CSMD1: variants seen among roughly 807,000 people sequenced by gnomAD.
CSMD1 encodes CUB and Sushi multiple domains 1, also known as CUB and sushi domain-containing protein 1.
A neutral mutation model predicts 417.5 loss-of-function variants in CSMD1; 213 were observed. The observed-to-expected ratio is 0.51, with a 90% CI of 0.46 to 0.57. The LOEUF is 0.57. CSMD1 is among the 20% of genes least tolerant of loss of function. The probability of loss-of-function intolerance (pLI) is 0.00; values close to 1 mark genes in which losing one functional copy is unlikely to be tolerated. For synonymous variants in CSMD1, 2,862 were observed against 1,736.8 expected, an observed-to-expected ratio of 1.65 and a Z score of -16.11; for missense variants, 6,923 against 4,529.7, an observed-to-expected ratio of 1.53 and a Z score of -15.17.
At chr8:3,175,538 TCCCTCCCTCCCTCTCTCCCTCCC>T (rs1820881038) in intron 37 of CSMD1, among the ~76,000 whole-genome samples, 1 of 142,934 alleles carries the variant, frequency 7.0e-6, no homozygotes, top group Non-Finnish European at 1.5e-5. Flanking sequence ...CCTTCCTTCT[TCCCTCCCTCCCTCTCTCCCTCCC>T]TGCCTTCCTT....
chr8:3,121,078 A>G (rs1472019645), intron 41 of CSMD1, among the ~76,000 whole-genome samples: 1 of 142,556 alleles, frequency 7.0e-6, no homozygotes, highest in Non-Finnish European at 1.5e-5. Flanking sequence ...CACTACAGAA[A>G]TCCAAACAAC....
At chr8:3,948,151 G>A (rs372481330) in intron 5 of CSMD1, among the ~76,000 whole-genome samples, 1 of 152,166 alleles carries the variant, frequency 6.6e-6, no homozygotes, top group Non-Finnish European at 1.5e-5. Context: ...GTTGCAGTCA[G>A]CTGAGATTGC....
In CSMD1 at chr8:4,173,794, T is replaced by C. The variant is rs78351453; in HGVS notation, c.416-141695A>G. ...ACTCATTCTATGACTCAAAAGTTAGTGGTGAGGTGCGCTTGAGGAACAATC... is the reference window on the plus strand; with the variant it reads ...ACTCATTCTATGACTCAAAAGTTAGCGGTGAGGTGCGCTTGAGGAACAATC... On this transcript the variant is annotated intron_variant, in intron 3 of 69. Transcript: ENST00000635120. 8.0e-3 allele frequency among the ~76,000 whole-genome samples: 1,221 copies of C among 152,168 alleles called. 6 individuals carry two copies. Among genetic ancestry groups the C allele is most frequent in the Middle Eastern group, 0.014 (4 of 294 alleles).
intron 7 of CSMD1, among the ~76,000 whole-genome samples, chr8:3,618,329 G>A (rs1346894483): frequency 1.3e-5 from 2 of 152,110 alleles, no homozygotes; most frequent in African/African-American, 4.8e-5. Flanking sequence ...ACTACTAAAT[G>A]AGAATAAATT....
chr8:4,437,508 C>T (rs979927062), intron 2 of CSMD1, among the ~76,000 whole-genome samples: 5 of 151,986 alleles, frequency 3.3e-5, no homozygotes, highest in Non-Finnish European at 4.4e-5. Flanking sequence ...AACATAGCCG[C>T]GTATGTATTT....
At chr8:4,931,100 T>C (rs565970224) in intron 1 of CSMD1, among the ~76,000 whole-genome samples, 1 of 152,238 alleles carries the variant, frequency 6.6e-6, no homozygotes, top group African/African-American at 2.4e-5. Context: ...TATATAGATA[T>C]CTTCATTTTC....
In CSMD1 at chr8:3,072,775, T is replaced by C. The variant is rs942798031; in HGVS notation, c.7474+14322A>G. ...TTCCATTTCAGTGCATAGCATCGTA[T>C]TGGTTAGCACAGCTTGCCGAATATC... On this transcript the variant is annotated intron_variant, in intron 49 of 69. Coordinates refer to ENST00000635120, the MANE Select transcript of CSMD1 (RefSeq NM_033225.6). 3.3e-5 allele frequency among the ~76,000 whole-genome samples: 5 copies of C among 152,314 alleles called. No individual in the cohort carries two copies. In the East Asian group the frequency reaches 9.6e-4, roughly 29 times the overall value.
At chr8:3,061,192 T>C (rs1279113694) in intron 49 of CSMD1, among the ~76,000 whole-genome samples, 4 of 152,172 alleles carry the variant, frequency 2.6e-5, no homozygotes, top group Admixed American at 6.5e-5. Flanking sequence ...CTTCCTCACC[T>C]GCAAAACACA....
intron 2 of CSMD1, among the ~76,000 whole-genome samples, chr8:4,457,241 C>G (rs761764526): frequency 5.4e-4 from 82 of 152,048 alleles, no homozygotes; most frequent in Non-Finnish European, 1.6e-4. Context: ...CCATTCTCAA[C>G]CAAGTGGTTT....
At chr8:4,939,431 C>T (rs911561407) in intron 1 of CSMD1, among the ~76,000 whole-genome samples, 6 of 152,124 alleles carry the variant, frequency 3.9e-5, no homozygotes, top group Admixed American at 2.0e-4. Flanking sequence ...GATAAAGAAA[C>T]GTAATCTATA....
intron 8 of CSMD1, among the ~76,000 whole-genome samples, chr8:3,615,717 T>C (rs940609556): frequency 6.6e-6 from 1 of 152,190 alleles, no homozygotes. Flanking sequence ...TTTCTTCCAT[T>C]TGTAGCCCAC....
chr8:4,172,418 C>T (rs773118046), intron 3 of CSMD1, among the ~76,000 whole-genome samples: 2 of 151,944 alleles, frequency 1.3e-5, no homozygotes, highest in South Asian at 2.1e-4. Context: ...ATGGCTCCCG[C>T]GTTACACAGC....
chr8:3,199,225 G>A (rs778549585), intron 33 of CSMD1, among the ~76,000 whole-genome samples: 2 of 152,068 alleles, frequency 1.3e-5, no homozygotes, highest in Non-Finnish European at 2.9e-5. Context: ...AAATAAAATA[G>A]GTATTTAGTT....
chr8:3,589,921 T>C (rs760037290), intron 8 of CSMD1, among the ~76,000 whole-genome samples: 1 of 150,194 alleles, frequency 6.7e-6, no homozygotes, highest in South Asian at 2.2e-4. Context: ...ATTGATTTCA[T>C]TTCTGGCAAT....
At chr8:4,081,721 C>G (rs535281135) in intron 3 of CSMD1, among the ~76,000 whole-genome samples, 3 of 152,024 alleles carry the variant, frequency 2.0e-5, no homozygotes, top group Non-Finnish European at 4.4e-5. Context: ...TTTTCTCTGA[C>G]CAAATTAGGA....
chr8:3,426,972 T>A (rs1008008088), intron 12 of CSMD1, among the ~76,000 whole-genome samples: 1 of 152,188 alleles, frequency 6.6e-6, no homozygotes. Context: ...GCAAAGTGCC[T>A]TCTTCACAAG....
At position 3,351,405 on chromosome 8, in the gene CSMD1, G is replaced by A. The variant is rs180931690; in HGVS notation, c.3305-3244C>T. Among the ~76,000 whole-genome samples, 904 of 152,050 alleles carry A rather than the reference G, an allele frequency of 5.9e-3. 13 individuals are homozygous for A. The highest frequency in any genetic ancestry group is 0.021 in the African/African-American group (856 of 41,468). ...GCAGGCGGATCACCTGAGGTCAGGA[G>A]TTGAAGACCAGCCTGGCCAACATGG... On this transcript the variant is annotated intron_variant, in intron 21 of 69. Coordinates refer to ENST00000635120, the MANE Select transcript of CSMD1 (RefSeq NM_033225.6).
chr8:4,880,062 T>C (rs889775596), intron 1 of CSMD1, among the ~76,000 whole-genome samples: 10 of 152,094 alleles, frequency 6.6e-5, no homozygotes, highest in African/African-American at 2.4e-4. Context: ...ATCTCCTACC[T>C]TTCTGCTGAA....
At chr8:4,646,535 A>G (rs752750542) in intron 1 of CSMD1, among the ~76,000 whole-genome samples, 1 of 152,204 alleles carries the variant, frequency 6.6e-6, no homozygotes, top group Non-Finnish European at 1.5e-5. Flanking sequence ...TACTCACTAA[A>G]AAAGGTGTAA....
Sources: allele counts gnomAD v4.1 joint callset (sites outside exome capture counted in the v4.1 genomes callset), GRCh38; gene constraint gnomAD v4.1.1; transcripts MANE v1.5; gene names NCBI Gene and HGNC (gene_info 2026-07-23, HGNC 2026-07-21).